Variants in BABAM2 observed in about 807,000 individuals in gnomAD.
The protein encoded by BABAM2 is BRISC and BRCA1-A complex member 2.
Under a neutral mutation model 54.7 loss-of-function variants are expected in BABAM2, and 31 were observed. The observed-to-expected ratio is 0.57, with a 90% CI of 0.43 to 0.77. The LOEUF (loss-of-function observed/expected upper bound fraction) is 0.77, where lower values mean the gene tolerates loss of function less well. Ranked by LOEUF, BABAM2 falls within the 30% of genes least tolerant of loss-of-function variation. The pLI is 0.00. For missense variants in BABAM2, 364 were observed against 455.8 expected, an observed-to-expected ratio of 0.80 and a Z score of 1.83; for synonymous variants, 167 against 162.9, an observed-to-expected ratio of 1.03 and a Z score of -0.19.
chr2:28,191,224 G>A (rs554681171), intron 7 of BABAM2, among the ~76,000 whole-genome samples: 2 of 152,282 alleles, frequency 1.3e-5, no homozygotes, highest in South Asian at 4.1e-4. Context: ...ACACCTACTA[G>A]AATGGGTAAA....
At chr2:28,198,170 T>G (rs562849355) in intron 7 of BABAM2, among the ~76,000 whole-genome samples, 18 of 151,934 alleles carry the variant, frequency 1.2e-4, no homozygotes, top group Non-Finnish European at 2.1e-4. Flanking sequence ...ACAGCTTTTT[T>G]TTTTTTTGAG....
chr2:28,125,906 T>A (rs1669481425), intron 6 of BABAM2, among the ~76,000 whole-genome samples: 1 of 152,194 alleles, frequency 6.6e-6, no homozygotes, highest in South Asian at 2.1e-4. Context: ...TAGAGCGATA[T>A]GATTCCTTTA....
chr2:28,112,153 C>CTTTCTTTCTTT (rs1558346881), intron 6 of BABAM2, among the ~76,000 whole-genome samples: 8 of 7,922 alleles, frequency 1.0e-3, no homozygotes, highest in East Asian at 0.017. Flanking sequence ...TTCTTTACCT[C>CTTTCTTTCTTT]CCTCCCTCCC....
chr2:28,318,562 G>A (rs1689761662), intron 11 of BABAM2, among the ~76,000 whole-genome samples: 1 of 152,178 alleles, frequency 6.6e-6, no homozygotes, highest in Non-Finnish European at 1.5e-5. Flanking sequence ...AAGAGCTCCT[G>A]GAATAGGGGC....
intron 7 of BABAM2, among the ~76,000 whole-genome samples, chr2:28,180,256 T>C (rs765540914): frequency 8.5e-5 from 13 of 152,056 alleles, no homozygotes; most frequent in Non-Finnish European, 1.6e-4. Flanking sequence ...ATGATACTGG[T>C]ATGAAACAGA....
chr2:28,312,775 G>T (rs1397720039), intron 11 of BABAM2, among the ~76,000 whole-genome samples: 1 of 152,036 alleles, frequency 6.6e-6, no homozygotes, highest in Non-Finnish European at 1.5e-5. Flanking sequence ...ATCTAGTACT[G>T]CCAGGTCTAA....
chr2:28,150,218 G>A (rs1671892123), intron 7 of BABAM2, among the ~76,000 whole-genome samples: 1 of 152,190 alleles, frequency 6.6e-6, no homozygotes, highest in Non-Finnish European at 1.5e-5. Flanking sequence ...AGCTAAGTCT[G>A]TCTGTAGTTC....
intron 10 of BABAM2, among the ~76,000 whole-genome samples, chr2:28,253,764 A>G (rs1283533846): frequency 6.6e-6 from 1 of 152,182 alleles, no homozygotes; most frequent in Non-Finnish European, 1.5e-5. Context: ...GGTCAGAGAG[A>G]TATGGAGACT....
At chr2:28,277,794 A>G (rs997005752) in intron 10 of BABAM2, among the ~76,000 whole-genome samples, 3 of 152,232 alleles carry the variant, frequency 2.0e-5, no homozygotes, top group Admixed American at 1.3e-4. Context: ...AGTATCTACT[A>G]TGGACCAACG....
Position 28,112,146 on chromosome 2 carries a change from T to TTTCTTTCTTTCTTTCC in BABAM2, c.571-17123_571-17122insCTTTCTTTCTTTCCTT, listed in dbSNP as rs1344247281. 9.9e-3 allele frequency among the ~76,000 whole-genome samples: 105 copies of TTTCTTTCTTTCTTTCC among 10,560 alleles called. 29 individuals are homozygous for TTTCTTTCTTTCTTTCC. The highest frequency in any genetic ancestry group is 0.02 in the Middle Eastern group (1 of 50). The allele number at this position is 10,560 out of a possible 152,430, so 6.9% of individuals were successfully genotyped here. On this transcript the variant is annotated intron_variant, in intron 6 of 11. Coordinates refer to ENST00000379624, the MANE Select transcript of BABAM2 (RefSeq NM_199191.3). Reference sequence around the variant, plus strand: ...CTTTCTTTCTTTCTTTCTTTCTTTCTTTACCTCCCTCCCTCCCTCCCTCCC... The same window carrying TTTCTTTCTTTCTTTCC: ...CTTTCTTTCTTTCTTTCTTTCTTTCTTTCTTTCTTTCTTTCCTTACCTCCCTCCCTCCCTCCCTCCC...
At chr2:28,090,196 A>AG (rs1666040214) in intron 6 of BABAM2, among the ~76,000 whole-genome samples, 1 of 152,152 alleles carries the variant, frequency 6.6e-6, no homozygotes, top group African/African-American at 2.4e-5. Flanking sequence ...GAGTGCTTGT[A>AG]TTTGCCACAA....
chr2:28,222,743 A>G lies in BABAM2; in HGVS notation c.681-14459A>G, dbSNP rs527759542. 6.8e-4 allele frequency among the ~76,000 whole-genome samples: 104 copies of G among 152,330 alleles called. 1 individual carries two copies. The highest frequency in any genetic ancestry group is 3.4e-3 in the Middle Eastern group (1 of 294). ...AATTAAATTGGCATTGTCCTTGTCT[A>G]CAGTTCCCAGAACCCCTTCTCTTCC... On this transcript the variant is annotated intron_variant, in intron 7 of 11. Coordinates refer to ENST00000379624, the MANE Select transcript of BABAM2 (RefSeq NM_199191.3).
chr2:28,193,934 G>C (rs1262818635), intron 7 of BABAM2, among the ~76,000 whole-genome samples: 1 of 152,192 alleles, frequency 6.6e-6, no homozygotes, highest in Non-Finnish European at 1.5e-5. Flanking sequence ...TCTGTGGGAG[G>C]CTGTGGTGCA....
At chr2:28,015,654 C>A in intron 4 of BABAM2, 1 of 699,072 alleles carries the variant, frequency 1.4e-6, no homozygotes, top group Non-Finnish European at 1.9e-6. Flanking sequence ...CAAGAAAATT[C>A]ATGCATTTTA....
At chr2:28,142,960 A>G (rs1365408510) in intron 7 of BABAM2, among the ~76,000 whole-genome samples, 1 of 152,026 alleles carries the variant, frequency 6.6e-6, no homozygotes, top group Admixed American at 6.6e-5. Context: ...GGTCTTTGTT[A>G]TTTCCACCCT....
At chr2:28,285,319 C>T (rs1686699507) in intron 10 of BABAM2, among the ~76,000 whole-genome samples, 1 of 152,182 alleles carries the variant, frequency 6.6e-6, no homozygotes. Context: ...CTCGGCTTCA[C>T]CCAGATAAGC....
intron 10 of BABAM2, among the ~76,000 whole-genome samples, chr2:28,292,566 G>A (rs533699596): frequency 7.9e-5 from 12 of 152,256 alleles, no homozygotes; most frequent in African/African-American, 2.9e-4. Context: ...CCAGAGCTGG[G>A]TAGTTCAGGG....
At chr2:27,965,397 C>T (rs1345364361) in intron 3 of BABAM2, among the ~76,000 whole-genome samples, 1 of 152,074 alleles carries the variant, frequency 6.6e-6, no homozygotes, top group Non-Finnish European at 1.5e-5. Context: ...CTCTTATGTA[C>T]CTATCACACA....
intron 6 of BABAM2, among the ~76,000 whole-genome samples, chr2:28,065,068 A>T (rs1016349817): frequency 6.6e-6 from 1 of 152,022 alleles, no homozygotes; most frequent in Non-Finnish European, 1.5e-5. Context: ...TCATTTCTTT[A>T]GCACACCATC....
Sources: allele counts gnomAD v4.1 joint callset (sites outside exome capture counted in the v4.1 genomes callset), GRCh38; gene constraint gnomAD v4.1.1; transcripts MANE v1.5; gene names NCBI Gene and HGNC (gene_info 2026-07-23, HGNC 2026-07-21).